Variants in KIF1A observed in about 807,000 individuals in gnomAD.
KIF1A encodes kinesin family member 1A.
In KIF1A, 46 loss-of-function variants were observed where a neutral mutation model predicts 227.3. That is an observed-to-expected ratio of 0.20 (90% CI 0.16 to 0.26). The LOEUF is 0.26. Among genes scored for constraint, KIF1A ranks in the 10% least tolerant of loss-of-function variants. The pLI is 1.00. For missense variants in KIF1A, 1,683 were observed against 2,485.9 expected (o/e 0.68, Z 6.87); for synonymous variants, 1,022 against 1,012.8 (o/e 1.01, Z -0.17).
chr2:240,741,358 G>T lies in KIF1A; in HGVS notation c.3660C>A (p.Ser1220Arg). 1 of 1,581,770 alleles carries T rather than the reference G, an allele frequency of 6.3e-7. No homozygotes were observed. Reference sequence around the variant, plus strand: ...GTCCCGGACAGGGCCGCGTCAGTGTGCTGAGCTTGGTGGCGGGCACTGTAG... The same window carrying T: ...GTCCCGGACAGGGCCGCGTCAGTGTTCTGAGCTTGGTGGCGGGCACTGTAG... ...LSKPVPATKL[S>R]TLTRPCPGPC... The change falls in exon 35 of 49, where the codon AGC becomes AGA. Residue 1220 changes from serine to arginine, a missense_variant. Transcript: ENST00000498729.
At chr2:240,749,261 T>C (rs929216007) in intron 28 of KIF1A, among the ~76,000 whole-genome samples, 4 of 152,294 alleles carry the variant, frequency 2.6e-5, no homozygotes, top group African/African-American at 7.2e-5. Flanking sequence ...CCAGACATCT[T>C]GCATCTTGCA....
chr2:240,745,796 T>C lies in KIF1A; in HGVS notation c.3316A>G (p.Thr1106Ala). 1.2e-6 allele frequency: 2 copies of C among 1,613,008 alleles called. No individual in the cohort carries two copies. Among genetic ancestry groups the C allele is most frequent in the Non-Finnish European group, 1.7e-6 (2 of 1,179,694 alleles). The change falls in exon 31 of 49, where the codon ACA becomes GCA. Residue 1106 changes from threonine to alanine, a missense_variant. By Grantham distance (58) the Thr-to-Ala change is moderately conservative. This residue lies in a region of KIF1A where 759 missense variants were observed against 1,020.2 expected (regional missense o/e 0.74). Coordinates refer to ENST00000498729, the MANE Select transcript of KIF1A (RefSeq NM_001244008.2). ...RLGNTFTFRVTVLQASSISAE... is the reference protein window; with the variant it reads ...RLGNTFTFRVAVLQASSISAE... Reference sequence around the variant, plus strand: ...GAGATGCTGGACGCCTGCAGGACTGTCACACGGAAGGTGAAGGTGTTGCCC... The same window carrying C: ...GAGATGCTGGACGCCTGCAGGACTGCCACACGGAAGGTGAAGGTGTTGCCC...
chr2:240,747,403 G>C, intron 28 of KIF1A, 82 bp from the exon 29 acceptor site: 1 of 1,077,354 alleles, frequency 9.3e-7, no homozygotes, highest in Non-Finnish European at 1.4e-6. Flanking sequence ...GGGCCACCCC[G>C]CAGTCAAAGT....
intron 42 of KIF1A, among the ~76,000 whole-genome samples, chr2:240,723,011 G>A (rs1015984203): frequency 2.0e-5 from 3 of 152,172 alleles, no homozygotes; most frequent in East Asian, 3.9e-4. Flanking sequence ...CTGGCCTCAC[G>A]CATCTCACAC....
chr2:240,767,095 G>A, intron 18 of KIF1A, 74 bp from the exon 19 acceptor site: 1 of 1,274,394 alleles, frequency 7.8e-7, no homozygotes, highest in African/African-American at 1.5e-5. Context: ...TGGCCTCCAG[G>A]GACGCCCAAC....
intron 2 of KIF1A, among the ~76,000 whole-genome samples, chr2:240,795,028 G>A (rs1239670763): frequency 1.3e-5 from 2 of 152,172 alleles, no homozygotes; most frequent in African/African-American, 4.8e-5. Flanking sequence ...TCAGAACTTT[G>A]CTGTAACCCC....
intron 2 of KIF1A, 22 bp downstream of exon 2, chr2:240,797,625 T>C: frequency 6.4e-7 from 1 of 1,552,220 alleles, no homozygotes; most frequent in Non-Finnish European, 8.9e-7. Context: ...CCGACCCCGA[T>C]GCTGTGCAGG....
rs3732338 is a variant in KIF1A at position 240,715,621 on chromosome 2, C to G, written c.*1743G>C. 6.6e-6 allele frequency: 1 copy of G among 152,438 alleles called. No homozygotes were observed. Among genetic ancestry groups the G allele is most frequent in the African/African-American group, 2.4e-5 (1 of 41,448 alleles). 9.4% of individuals were successfully genotyped at this position (152,438 alleles called of 1,614,324 possible). A position where few individuals can be genotyped will look rare whatever the true frequency, so the allele number is the denominator to read the frequency against. The stretch of plus-strand genomic sequence containing the variant: ...AACTTCAGGGGCCCAAACAACCTTC[C>G]CAAAGGAAAACCTCATGCCAGAGCC... On this transcript the variant is annotated 3_prime_UTR_variant, in exon 49 of 49. Coordinates refer to ENST00000498729, the MANE Select transcript of KIF1A (RefSeq NM_001244008.2).
chr2:240,782,910 G>A, intron 9 of KIF1A, 134 bp downstream of exon 9: 1 of 782,028 alleles, frequency 1.3e-6, no homozygotes, highest in Non-Finnish European at 2.2e-6. Flanking sequence ...GTGACACTCT[G>A]GCCATCTCCG....
rs2053146887 is a variant in KIF1A, at chr2:240,778,937, AC to A, written c.883-3012del. ...TTCCTCAGGCCATTCGCCCGTGTGC[AC>A]CCCGTTCCTACACACAGCGCTCCAC... On this transcript the variant is annotated intron_variant, in intron 10 of 48. Transcript: ENST00000498729. This position sits in a 1 kb window ranked among gnomAD's most constrained non-coding sequence, Gnocchi z 7.2. 6.6e-6 allele frequency among the ~76,000 whole-genome samples: 1 copy of A among 150,890 alleles called. No individual in the cohort carries two copies. Among genetic ancestry groups the A allele is most frequent in the African/African-American group, 2.4e-5 (1 of 40,904 alleles).
Position 240,752,966 on chromosome 2 carries a change from C to A in KIF1A, c.2859-2419G>T, listed in dbSNP as rs932210494. Reference sequence around the variant, plus strand: ...GCCACCCAGACAGGGTCAGACACTACCTTTCCTACCCCCAAAGACCCATCA... The same window carrying A: ...GCCACCCAGACAGGGTCAGACACTAACTTTCCTACCCCCAAAGACCCATCA... On this transcript the variant is annotated intron_variant, in intron 27 of 48. Coordinates refer to ENST00000498729, the MANE Select transcript of KIF1A (RefSeq NM_001244008.2). This position sits in a 1 kb window ranked among gnomAD's most constrained non-coding sequence, Gnocchi z 6.4. Among the ~76,000 whole-genome samples, 1 of 152,174 alleles carries A rather than the reference C, an allele frequency of 6.6e-6. No homozygotes were observed. The highest frequency in any genetic ancestry group is 6.5e-5 in the Admixed American group (1 of 15,294).
At chr2:240,786,562 G>A (rs1278903146) in intron 5 of KIF1A, 49 bp from the exon 6 acceptor site, 1 of 1,563,836 alleles carries the variant, frequency 6.4e-7, no homozygotes, top group Admixed American at 1.7e-5. Context: ...GAGGGAGTGG[G>A]GCTGCCACTG....
At chr2:240,780,420 C>T (rs1379507994) in intron 10 of KIF1A, among the ~76,000 whole-genome samples, 1 of 152,126 alleles carries the variant, frequency 6.6e-6, no homozygotes, top group East Asian at 1.9e-4. Flanking sequence ...CACACACTTC[C>T]CGCCTGCTTC....
Position 240,739,343 on chromosome 2 carries a change from C to T in KIF1A, c.3901+715G>A, listed in dbSNP as rs988292403. Reference sequence around the variant, plus strand: ...TAGCAAAGGAAACATTTGGCGGACCCGAATTCGAAACATGAGGTCATGGAA... The same window carrying T: ...TAGCAAAGGAAACATTTGGCGGACCTGAATTCGAAACATGAGGTCATGGAA... On this transcript the variant is annotated intron_variant, in intron 37 of 48. Transcript: ENST00000498729. The surrounding 1 kb of genome is among the most constrained non-coding windows in gnomAD (Gnocchi z 5.6). 2.0e-5 allele frequency among the ~76,000 whole-genome samples: 3 copies of T among 152,200 alleles called. No homozygotes were observed. Among genetic ancestry groups the T allele is most frequent in the East Asian group, 3.8e-4 (2 of 5,200 alleles).
chr2:240,814,040 A>C (rs1236690559), intron 1 of KIF1A, among the ~76,000 whole-genome samples: 1 of 152,226 alleles, frequency 6.6e-6, no homozygotes, highest in Non-Finnish European at 1.5e-5. Context: ...ACCCTAGAAA[A>C]GGCAGTCAAA....
chr2:240,755,459 C>T (rs777879072), intron 27 of KIF1A, among the ~76,000 whole-genome samples: 13 of 152,150 alleles, frequency 8.5e-5, no homozygotes, highest in African/African-American at 2.4e-4. Flanking sequence ...GCCCCAATTT[C>T]GCTGAAGCTT....
In KIF1A at chr2:240,757,427, TC is replaced by T; in HGVS notation, c.2749del (p.Glu917ArgfsTer34). The T allele has an allele frequency of 6.0e-6, 5 of 828,762 alleles. No individual in the cohort carries two copies. The highest frequency in any genetic ancestry group is 7.8e-6 in the Non-Finnish European group (5 of 639,018). 51.3% of individuals were successfully genotyped at this position (828,762 alleles called of 1,614,324 possible). ...CTCCAGGTCCTCCTCCTCCTCATCC[TC>T]CTCCTCCTCCTCCTCCTCCTCCTCC... The part of the protein sequence containing the change: ...GEEEEEEEEE[E>X]DEEEEDLEDD... On this transcript the variant is annotated frameshift_variant, in exon 27 of 49. Coordinates refer to ENST00000498729, the MANE Select transcript of KIF1A (RefSeq NM_001244008.2). LOFTEE classifies it high-confidence loss of function. The surrounding 1 kb of genome is among the most constrained non-coding windows in gnomAD (Gnocchi z 6.2).
intron 1 of KIF1A, among the ~76,000 whole-genome samples, chr2:240,806,994 C>T (rs1018902628): frequency 2.0e-5 from 3 of 151,906 alleles, no homozygotes; most frequent in Non-Finnish European, 4.4e-5. Flanking sequence ...CAGGACCCCC[C>T]ACAGATACCA....
chr2:240,717,823 A>G (rs2044740154), intron 48 of KIF1A, among the ~76,000 whole-genome samples: 1 of 152,204 alleles, frequency 6.6e-6, no homozygotes, highest in East Asian at 1.9e-4. Flanking sequence ...GCTGCCTTCC[A>G]CTGGCCGCAC....
Sources: gnomAD v4.1 joint callset for allele counts (sites outside exome capture counted in the v4.1 genomes callset) on GRCh38, gnomAD v4.1.1 for gene constraint, gnomAD v4.1.1 regional missense constraint, Gnocchi (gnomAD v3.1) non-coding constraint, MANE v1.5 for transcripts, NCBI Gene and HGNC (gene_info 2026-07-23, HGNC 2026-07-21) for gene names.